DENND3: variants seen among roughly 807,000 people sequenced by gnomAD.
DENND3 encodes DENN domain-containing protein 3.
A neutral mutation model predicts 135.1 loss-of-function variants in DENND3; 88 were observed. The ratio of observed to expected loss-of-function variants is 0.65; its 90% CI spans 0.55 to 0.78. The LOEUF (loss-of-function observed/expected upper bound fraction) is 0.78. Ranked by LOEUF, DENND3 falls within the 30% of genes least tolerant of loss-of-function variation. DENND3 has a pLI of 0.00. For synonymous variants in DENND3, 693 were observed against 712.3 expected, an observed-to-expected ratio of 0.97 and a Z score of 0.43; for missense variants, 1,392 against 1,688.4, an observed-to-expected ratio of 0.82 and a Z score of 3.08.
chr8:141,184,925 C>T, intron 17 of DENND3: 1 of 539,416 alleles, frequency 1.9e-6, no homozygotes, highest in Non-Finnish European at 3.2e-6. Flanking sequence ...CTGACCCTGT[C>T]TTTGTGGCCC....
intron 13 of DENND3, among the ~76,000 whole-genome samples, chr8:141,171,959 G>C (rs1569556329): frequency 6.6e-6 from 1 of 150,818 alleles, no homozygotes; most frequent in Non-Finnish European, 1.5e-5. Context: ...GGTGTGCACT[G>C]TGGTAGGTGT....
chr8:141,168,476 C>T lies in DENND3; in HGVS notation c.2226C>T (p.Ile742=), dbSNP rs370500501. 27 of 1,613,236 alleles carry T rather than the reference C, an allele frequency of 1.7e-5. No individual in the cohort carries two copies. Among genetic ancestry groups the T allele is most frequent in the African/African-American group, 9.3e-5 (7 of 74,906 alleles). The change falls in exon 13 of 23, where the codon ATC becomes ATT. Residue 742 remains isoleucine, a synonymous_variant. Transcript: ENST00000519811. This position sits in a 1 kb window ranked among gnomAD's most constrained non-coding sequence, Gnocchi z 6.2. ...TGAAGCGGGTCCAGGAGTCAGGGATCGTGAAGGACGCCAGCATCATACACC... is the reference window on the plus strand; with the variant it reads ...TGAAGCGGGTCCAGGAGTCAGGGATTGTGAAGGACGCCAGCATCATACACC... The part of the protein sequence containing the change: ...DFMKRVQESG[I]VKDASIIHRL...
At chr8:141,147,190 C>T (rs1429600895) in intron 5 of DENND3, among the ~76,000 whole-genome samples, 1 of 152,200 alleles carries the variant, frequency 6.6e-6, no homozygotes, top group East Asian at 1.9e-4. Context: ...CATTTCCTTG[C>T]TGCCACTTCA....
chr8:141,186,973 G>A (rs947454733), intron 18 of DENND3, among the ~76,000 whole-genome samples: 9 of 152,158 alleles, frequency 5.9e-5, no homozygotes, highest in Non-Finnish European at 4.4e-5. Flanking sequence ...CCCCCGCACC[G>A]TGGCCTGCGC....
chr8:141,152,751 C>T (rs1020571662), intron 7 of DENND3, among the ~76,000 whole-genome samples: 3 of 152,146 alleles, frequency 2.0e-5, no homozygotes, highest in Non-Finnish European at 2.9e-5. Flanking sequence ...TCGTTTCTCT[C>T]GGGTGTGTCC....
intron 9 of DENND3, 135 bp downstream of exon 9, chr8:141,160,922 C>A: frequency 8.9e-7 from 1 of 1,128,050 alleles, no homozygotes; most frequent in African/African-American, 1.6e-5. Context: ...GTCCCCGCCC[C>A]CTGCCAAAGC....
At chr8:141,156,458 A>G (rs1220407888) in intron 8 of DENND3, among the ~76,000 whole-genome samples, 2 of 152,158 alleles carry the variant, frequency 1.3e-5, no homozygotes, top group Non-Finnish European at 1.5e-5. Context: ...TCAAGTCAAG[A>G]GACAGTCACA....
intron 16 of DENND3, among the ~76,000 whole-genome samples, chr8:141,180,095 G>T (rs1822896173): frequency 6.6e-6 from 1 of 152,208 alleles, no homozygotes; most frequent in South Asian, 2.1e-4. Context: ...GGAGCATTAG[G>T]ATATCCTGAG....
In DENND3 at chr8:141,167,911, G is replaced by A. The variant is rs1821014337; in HGVS notation, c.1754-93G>A. 2.0e-6 allele frequency: 3 copies of A among 1,498,390 alleles called. No homozygotes were observed. Among genetic ancestry groups the A allele is most frequent in the Admixed American group, 4.1e-5 (2 of 49,038 alleles). The allele number at this position is 1,498,390 out of a possible 1,614,324, so 92.8% of individuals were successfully genotyped here. ...ATTCTCATTTTATTTTGCATCCAGAGAAACATTGTCCTTGACAAGATGATG... is the reference window on the plus strand; with the variant it reads ...ATTCTCATTTTATTTTGCATCCAGAAAAACATTGTCCTTGACAAGATGATG... On this transcript the variant is annotated intron_variant, in intron 12 of 22. Transcript: ENST00000519811. The surrounding 1 kb of genome is among the most constrained non-coding windows in gnomAD (Gnocchi z 4.1).
intron 8 of DENND3, chr8:141,157,612 C>G: frequency 1.0e-6 from 1 of 985,932 alleles, no homozygotes; most frequent in Non-Finnish European, 1.2e-6. Context: ...CTTCGCCTTC[C>G]TTTGTCTGCA....
intron 19 of DENND3, 83 bp from the exon 20 acceptor site, chr8:141,190,201 C>G (rs185308928): frequency 7.0e-7 from 1 of 1,428,842 alleles, no homozygotes; most frequent in East Asian, 2.7e-5. Flanking sequence ...CTCATGGCGA[C>G]TTGGTTCTCT....
In DENND3 at chr8:141,192,608, G is replaced by A; in HGVS notation, c.3581G>A (p.Arg1194Lys). The A allele has an allele frequency of 6.3e-7, 1 of 1,593,312 alleles. No individual in the cohort carries two copies. Among genetic ancestry groups the A allele is most frequent in the Non-Finnish European group, 8.6e-7 (1 of 1,166,526 alleles). The part of the protein sequence containing the change: ...SLKDLAQPPQ[R>K]VPLEDCSEIN... ...AAGGACCTGGCCCAGCCCCCGCAGA[G>A]GGTGCCCCTCGAGGACTGCTCTGAG... The change falls in exon 22 of 23, where the codon AGG becomes AAG. Residue 1194 changes from arginine (R) to lysine (K), a missense_variant. By Grantham distance (26) the Arg-to-Lys change is conservative. Transcript: ENST00000519811.
Position 141,138,087 on chromosome 8 carries a change from T to A in DENND3, c.451T>A (p.Cys151Ser). 2 of 1,610,478 alleles carry A rather than the reference T, an allele frequency of 1.2e-6. No homozygotes were observed. The highest frequency in any genetic ancestry group is 1.1e-5 in the South Asian group (1 of 90,068). The change falls in exon 3 of 23, where the codon TGC (cysteine) becomes AGC (serine). Residue 151 changes from cysteine (C) to serine (S), a missense_variant. Transcript: ENST00000519811. The surrounding 1 kb of genome is among the most constrained non-coding windows in gnomAD (Gnocchi z 4.8). ...CCACTTCCTGGTGCTGACCGATGTC[T>A]GCGGGAATAGGACCTATGGCGTGGT... ...CVHFLVLTDVCGNRTYGVVAQ... is the reference protein window; with the variant it reads ...CVHFLVLTDVSGNRTYGVVAQ...
chr8:141,151,581 TA>T (rs748583127), intron 6 of DENND3, 37 bp from the exon 7 acceptor site: 34 of 1,513,640 alleles, frequency 2.2e-5, no homozygotes, highest in African/African-American at 1.2e-4. Flanking sequence ...TTTTTTTTTT[TA>T]AAAGCATGTA....
chr8:141,144,174 A>G lies in DENND3; in HGVS notation c.650A>G (p.Lys217Arg). Residue 217 changes from lysine (K) to arginine (R), a missense_variant, in exon 5 of 23, where the codon AAA (lysine) becomes AGA (arginine). Coordinates refer to ENST00000519811, the MANE Select transcript of DENND3 (RefSeq NM_001352890.3). The surrounding 1 kb of genome is among the most constrained non-coding windows in gnomAD (Gnocchi z 4.4). ...SCLLALLKPC[K>R]DFEVDSHIKD... ...TTATTGGCTCTTCTGAAGCCCTGTA[A>G]AGATTTTGAAGTGGACAGTCATATA... 6.2e-7 allele frequency: 1 copy of G among 1,613,444 alleles called. No homozygotes were observed. The highest frequency in any genetic ancestry group is 2.2e-5 in the East Asian group (1 of 44,840).
In DENND3 at chr8:141,136,725, G is replaced by C; in HGVS notation, c.319G>C (p.Glu107Gln). 1.2e-6 allele frequency: 2 copies of C among 1,610,012 alleles called. No homozygotes were observed. Among genetic ancestry groups the C allele is most frequent in the Non-Finnish European group, 8.5e-7 (1 of 1,178,474 alleles). ...CCTCCCGGGGCCCCCCAGAGCGCCA[G>C]AGCCTGAGGATGTCGCCGTCCCGGG... ...KGLPGPPRAP[E>Q]PEDVAVPGGV... Residue 107 changes from glutamate (E) to glutamine (Q), a missense_variant, in exon 2 of 23, where the codon GAG (glutamate) becomes CAG (glutamine). Physicochemically the swap from Glu to Gln is conservative, Grantham distance 29. Transcript: ENST00000519811.
At chr8:141,183,893 C>G (rs979616395) in intron 17 of DENND3, among the ~76,000 whole-genome samples, 8 of 152,194 alleles carry the variant, frequency 5.3e-5, no homozygotes, top group Non-Finnish European at 1.0e-4. Context: ...CGCCACCGCC[C>G]AGGCAGAGGG....
At chr8:141,143,918 G>C in intron 4 of DENND3, 1 of 464,486 alleles carries the variant, frequency 2.2e-6, no homozygotes, top group Non-Finnish European at 3.8e-6. Context: ...AGCATGACCA[G>C]GACTTCCCCT....
At chr8:141,149,770 G>A (rs983804052) in intron 5 of DENND3, among the ~76,000 whole-genome samples, 2 of 152,260 alleles carry the variant, frequency 1.3e-5, no homozygotes, top group Non-Finnish European at 2.9e-5. Context: ...GCTGGGACGC[G>A]ATTCCTTTTT....
Sources: gnomAD v4.1 joint callset for allele counts (sites outside exome capture counted in the v4.1 genomes callset) on GRCh38, gnomAD v4.1.1 for gene constraint, Gnocchi (gnomAD v3.1) non-coding constraint, MANE v1.5 for transcripts, NCBI Gene and HGNC (gene_info 2026-07-23, HGNC 2026-07-21) for gene names.